Variants in EXOC7 observed in about 807,000 individuals in gnomAD.
The protein encoded by EXOC7 is exocyst complex component 7, also known as exocyst complex component Exo70.
EXOC7 carries 51 observed loss-of-function variants against 87.6 expected under a neutral mutation model. The ratio of observed to expected loss-of-function variants is 0.58; its 90% CI spans 0.46 to 0.73. The LOEUF (loss-of-function observed/expected upper bound fraction) is 0.73, where lower values mean the gene tolerates loss of function less well. Among genes scored for constraint, EXOC7 ranks in the 30% least tolerant of loss-of-function variants. EXOC7 has a pLI of 0.00. For synonymous variants in EXOC7, 327 were observed against 357.1 expected (o/e 0.92, Z 0.95); for missense variants, 744 against 888.4 (o/e 0.84, Z 2.07).
At chr17:76,101,069 A>T (rs1004338173) in intron 4 of EXOC7, 8 of 944,812 alleles carry the variant, frequency 8.5e-6, no homozygotes, top group Non-Finnish European at 9.6e-6. Context: ...TAATACATTA[A>T]CAAGTTTTAT....
intron 4 of EXOC7, among the ~76,000 whole-genome samples, chr17:76,100,796 C>T (rs2144702879): frequency 6.6e-6 from 1 of 152,224 alleles, no homozygotes; most frequent in South Asian, 2.1e-4. Context: ...GTCTGGCCAA[C>T]ATGGCGAAAC....
intron 4 of EXOC7, 124 bp from the exon 5 acceptor site, chr17:76,098,142 T>C (rs950128527): frequency 1.2e-5 from 9 of 753,924 alleles, no homozygotes; most frequent in Non-Finnish European, 1.9e-5. Context: ...TGCCCTGATA[T>C]CTTTTTTTTT....
intron 12 of EXOC7, 60 bp downstream of exon 12, chr17:76,087,594 C>A: frequency 2.6e-6 from 4 of 1,509,530 alleles, no homozygotes; most frequent in Non-Finnish European, 3.6e-6. Flanking sequence ...GCCCTCTAAC[C>A]CCATGTCTCC....
Position 76,103,722 on chromosome 17 carries a change from A to G in EXOC7, c.-30T>C, listed in dbSNP as rs967576360. 8 of 1,586,162 alleles carry G rather than the reference A, an allele frequency of 5.0e-6. No individual in the cohort carries two copies. The highest frequency in any genetic ancestry group is 1.8e-5 in the Admixed American group (1 of 55,874). ...CTGAACCCCGCGGCTCCCACTCCCC[A>G]GTATCTTTCCTCCGCGGGCCCACCG... On this transcript the variant is annotated 5_prime_UTR_variant, in exon 1 of 19. Coordinates refer to ENST00000589210, the MANE Select transcript of EXOC7 (RefSeq NM_001013839.4).
chr17:76,091,871 G>A (rs1314098794), intron 6 of EXOC7, among the ~76,000 whole-genome samples: 2 of 152,126 alleles, frequency 1.3e-5, no homozygotes, highest in African/African-American at 2.4e-5. Context: ...AGTCAAGAAG[G>A]GGTTAACAGA....
intron 2 of EXOC7, among the ~76,000 whole-genome samples, chr17:76,102,803 C>T (rs2068138702): frequency 1.3e-5 from 2 of 152,150 alleles, no homozygotes; most frequent in African/African-American, 2.4e-5. Flanking sequence ...TGCATTAGCG[C>T]ATATGACCTT....
intron 2 of EXOC7, among the ~76,000 whole-genome samples, chr17:76,102,407 TACACACACAGACACAC>T (rs1325961232): frequency 2.5e-5 from 3 of 122,362 alleles, no homozygotes; most frequent in Non-Finnish European, 4.9e-5. Flanking sequence ...AGACCCTGTC[TACACACACAGACACAC>T]ACACACACAC....
rs1213425351 is a variant in EXOC7, at chr17:76,087,715, G to A, written c.1368C>T (p.Ile456=). 7.7e-6 allele frequency: 12 copies of A among 1,551,252 alleles called. No homozygotes were observed. The highest frequency in any genetic ancestry group is 1.0e-5 in the Non-Finnish European group (12 of 1,147,018). ...AGTCCAAAAGCTGCTGCAGGAAGAG[G>A]ATGGCCTGGGTGGGAAGAAAACGGT... ...GTVHELTSNA[I]LFLQQLLDFQ... The change falls in exon 12 of 19, where the codon ATC becomes ATT. Residue 456 remains isoleucine, a synonymous_variant. Coordinates refer to ENST00000589210, the MANE Select transcript of EXOC7 (RefSeq NM_001013839.4).
chr17:76,099,306 G>C (rs1044085182), intron 4 of EXOC7, among the ~76,000 whole-genome samples: 6 of 152,182 alleles, frequency 3.9e-5, no homozygotes, highest in Non-Finnish European at 8.8e-5. Context: ...AGGAGTTCAA[G>C]ACCAGCCTGG....
In EXOC7 at chr17:76,081,761, C is replaced by T; in HGVS notation, c.*1887G>A. ...CTCCTGCAACCCACTGCTCAGTAAG[C>T]CCTGCTCCCTTACCCAGTCTGCCCT... On this transcript the variant is annotated 3_prime_UTR_variant, in exon 19 of 19. Coordinates refer to ENST00000589210, the MANE Select transcript of EXOC7 (RefSeq NM_001013839.4). The T allele has an allele frequency of 2.5e-6, 4 of 1,614,038 alleles. No homozygotes were observed. In the South Asian group the frequency reaches 3.3e-5, roughly 13 times the overall value.
rs563195111 is a variant in EXOC7, at chr17:76,096,746, G to C, written c.640+1050C>G. Among the ~76,000 whole-genome samples the C allele has an allele frequency of 7.2e-5, 11 of 151,864 alleles. No individual in the cohort carries two copies. In the East Asian group the frequency reaches 2.1e-3, roughly 30 times the overall value. On this transcript the variant is annotated intron_variant, in intron 5 of 18. Transcript: ENST00000589210. The stretch of plus-strand genomic sequence containing the variant: ...TAATTTTGTATTTTTAGTAGAGATG[G>C]GGTTTCTCTATGTTGGTCAGGCTGG...
chr17:76,081,544 G>A lies in EXOC7; in HGVS notation c.*2104C>T. On this transcript the variant is annotated 3_prime_UTR_variant, in exon 19 of 19. Coordinates refer to ENST00000589210, the MANE Select transcript of EXOC7 (RefSeq NM_001013839.4). ...GAAGGCCCTGACTTTTCCCCTTCCA[G>A]CTGAGGCTGAAGAACACGGCGCTCA... 2 of 1,613,210 alleles carry A rather than the reference G, an allele frequency of 1.2e-6. No individual in the cohort carries two copies. The highest frequency in any genetic ancestry group is 4.5e-5 in the East Asian group (2 of 44,878).
intron 8 of EXOC7, 57 bp downstream of exon 8, chr17:76,089,118 T>A: frequency 6.2e-7 from 1 of 1,603,202 alleles, no homozygotes; most frequent in Non-Finnish European, 8.5e-7. Context: ...GCTGCAAGAG[T>A]CTGTTGTGAC....
At position 76,088,142 on chromosome 17, in the gene EXOC7, GGT is replaced by G. The variant is rs1266822466; in HGVS notation, c.1300-22_1300-21del. The G allele has an allele frequency of 6.2e-7, 1 of 1,613,046 alleles. No homozygotes were observed. The highest frequency in any genetic ancestry group is 8.5e-7 in the Non-Finnish European group (1 of 1,179,592). ...GTCATTCTGTGGAAAAACAGCCTCT[GGT>G]TCCCTGAAGCAGCCCCCAGCCCACC... On this transcript the variant is annotated intron_variant, in intron 10 of 18. Transcript: ENST00000589210.
At position 76,088,585 on chromosome 17, in the gene EXOC7, C is replaced by T. The variant is rs377019540; in HGVS notation, c.1201-23G>A. On this transcript the variant is annotated intron_variant, in intron 9 of 18. Coordinates refer to ENST00000589210, the MANE Select transcript of EXOC7 (RefSeq NM_001013839.4). ...GCCCTGAGGAAGCACAGGGGAGCCC[C>T]CAGCTCACCTCCAGTCGCTCTGTGA... is the stretch of plus-strand genomic sequence containing the variant. 68 of 1,608,688 alleles carry T rather than the reference C, an allele frequency of 4.2e-5. 1 individual carries two copies. The highest frequency in any genetic ancestry group is 1.7e-6 in the Non-Finnish European group (2 of 1,176,330).
chr17:76,085,634 G>A (rs1186913894), intron 14 of EXOC7, 43 bp downstream of exon 14: 5 of 1,613,618 alleles, frequency 3.1e-6, no homozygotes, highest in Non-Finnish European at 4.2e-6. Flanking sequence ...GCACAGCCGA[G>A]GGGAAGGTGA....
chr17:76,097,703 C>CAA lies in EXOC7; in HGVS notation c.640+91_640+92dup, dbSNP rs57781252. ...TGGGCAACAGAGCAAGACTCCATCT[C>CAA]AAAAAAAAAAAAAAAAAAAAAAAAA... On this transcript the variant is annotated intron_variant, in intron 5 of 18. Transcript: ENST00000589210. 569 of 317,966 alleles carry CAA rather than the reference C, an allele frequency of 1.8e-3. 1 individual carries two copies. Among genetic ancestry groups the CAA allele is most frequent in the Middle Eastern group, 3.0e-3 (3 of 1,012 alleles). The allele number at this position is 317,966 out of a possible 1,614,324, so 19.7% of individuals were successfully genotyped here.
chr17:76,085,079 T>C (rs2067149627), intron 15 of EXOC7: 1 of 561,154 alleles, frequency 1.8e-6, no homozygotes. Flanking sequence ...TTCTTAGCCT[T>C]GACACTTGGC....
rs555166481 is a variant in EXOC7, at chr17:76,101,161, C to A, written c.417+110G>T. 106 of 1,584,858 alleles carry A rather than the reference C, an allele frequency of 6.7e-5. No individual in the cohort carries two copies. In the African/African-American group the frequency reaches 1.3e-3, roughly 19 times the overall value. On this transcript the variant is annotated intron_variant, in intron 4 of 18. Coordinates refer to ENST00000589210, the MANE Select transcript of EXOC7 (RefSeq NM_001013839.4). ...CCTATAGGATGTACTGTGCTATATC[C>A]TTCTGTGTATTCTACTGCATACATC...
Sources: gnomAD v4.1 joint callset for allele counts (sites outside exome capture counted in the v4.1 genomes callset) on GRCh38, gnomAD v4.1.1 for gene constraint, MANE v1.5 for transcripts, NCBI Gene and HGNC (gene_info 2026-07-23, HGNC 2026-07-21) for gene names.